Variants in SNRPN observed in about 807,000 individuals in gnomAD.
SNRPN encodes small nuclear ribonucleoprotein-associated protein N.
In SNRPN, 7 loss-of-function variants were observed where a neutral mutation model predicts 25.2. That is an observed-to-expected ratio of 0.28 (90% CI 0.16 to 0.52). The LOEUF (loss-of-function observed/expected upper bound fraction) is 0.52. Ranked by LOEUF, SNRPN falls within the 20% of genes least tolerant of loss-of-function variation. SNRPN has a pLI of 0.96. For synonymous variants in SNRPN, 124 were observed against 110.6 expected, an observed-to-expected ratio of 1.12 and a Z score of -0.76; for missense variants, 196 against 322.5, an observed-to-expected ratio of 0.61 and a Z score of 3.00.
At chr15:24,920,941 C>G (rs1050426556) in intron 3 of SNRPN, among the ~76,000 whole-genome samples, 1 of 152,114 alleles carries the variant, frequency 6.6e-6, no homozygotes, top group African/African-American at 2.4e-5. Flanking sequence ...CGGAGAGTTA[C>G]CCAGGTGTAG....
At chr15:24,885,376 T>C (rs2057101886) in intron 1 of SNRPN, among the ~76,000 whole-genome samples, 1 of 152,162 alleles carries the variant, frequency 6.6e-6, no homozygotes, top group Admixed American at 6.5e-5. Flanking sequence ...GGTCAAAAGG[T>C]GTTCCTTTAA....
intron 3 of SNRPN, chr15:24,921,353 C>T (rs1243678202): frequency 1.3e-5 from 2 of 152,138 alleles, no homozygotes; most frequent in African/African-American, 2.4e-5. Flanking sequence ...GAGTTACAGT[C>T]CCTCTCAGAA....
chr15:24,963,328 C>T (rs1268141198), intron 2 of SNRPN, among the ~76,000 whole-genome samples: 2 of 152,152 alleles, frequency 1.3e-5, no homozygotes, highest in Non-Finnish European at 2.9e-5. Context: ...TTTGAAAACG[C>T]AGTGTAGGCC....
At chr15:24,919,558 A>G (rs2059918616) in intron 2 of SNRPN, among the ~76,000 whole-genome samples, 1 of 152,182 alleles carries the variant, frequency 6.6e-6, no homozygotes, top group African/African-American at 2.4e-5. Context: ...GCGGAAATTT[A>G]TAACCAAAGA....
At chr15:24,913,365 G>A (rs890539753) in intron 2 of SNRPN, among the ~76,000 whole-genome samples, 1 of 152,154 alleles carries the variant, frequency 6.6e-6, no homozygotes, top group Non-Finnish European at 1.5e-5. Flanking sequence ...TATAAGGGCT[G>A]GGCATAGTGG....
At chr15:24,925,745 AT>A (rs35612975) in intron 3 of SNRPN, among the ~76,000 whole-genome samples, 120,943 of 145,326 alleles carry the variant, frequency 0.83, 50,239 homozygotes, top group East Asian at 0.99. Flanking sequence ...TGCCCAGCTA[AT>A]TTTTTTTTTT....
At chr15:24,918,440 A>ATG (rs1433832949) in intron 2 of SNRPN, among the ~76,000 whole-genome samples, 2 of 127,734 alleles carry the variant, frequency 1.6e-5, no homozygotes, top group East Asian at 2.1e-4. Flanking sequence ...CATAATATAT[A>ATG]TGTGTATATA....
upstream of SNRPN, chr15:24,852,401 C>G (rs2052942941): frequency 6.6e-6 from 1 of 152,162 alleles, no homozygotes; most frequent in Non-Finnish European, 1.5e-5. Flanking sequence ...ATAGGGTCTA[C>G]CTGCCAAATC....
chr15:24,975,915 A>C (rs2077010638), intron 5 of SNRPN, among the ~76,000 whole-genome samples: 2 of 152,130 alleles, frequency 1.3e-5, no homozygotes, highest in South Asian at 4.1e-4. Context: ...CTCTTTGCCT[A>C]TCACTGTTCC....
intron 3 of SNRPN, among the ~76,000 whole-genome samples, chr15:24,948,624 A>G (rs1171579942): frequency 6.6e-6 from 1 of 152,056 alleles, no homozygotes; most frequent in Non-Finnish European, 1.5e-5. Flanking sequence ...AAATCACAGT[A>G]CAGCTAGTAC....
intron 2 of SNRPN, among the ~76,000 whole-genome samples, chr15:24,888,067 C>T (rs2057347796): frequency 6.6e-6 from 1 of 150,642 alleles, no homozygotes; most frequent in Non-Finnish European, 1.5e-5. Flanking sequence ...TTTTAGGTTA[C>T]ATATATTTTA....
At chr15:24,840,965 C>T (rs570671429) in intron 2 of SNRPN, among the ~76,000 whole-genome samples, 189 of 152,262 alleles carry the variant, frequency 1.2e-3, no homozygotes, top group Middle Eastern at 3.4e-3. Context: ...CCTCAGCCTC[C>T]TGAGTAGCTG....
At chr15:24,897,436 A>G (rs1595769357) in intron 2 of SNRPN, among the ~76,000 whole-genome samples, 2 of 152,300 alleles carry the variant, frequency 1.3e-5, no homozygotes, top group Middle Eastern at 6.8e-3. Flanking sequence ...AAATTAAAAA[A>G]TTAGCCGAGT....
intron 2 of SNRPN, among the ~76,000 whole-genome samples, chr15:24,910,661 A>C (rs1454339674): frequency 6.6e-6 from 1 of 151,920 alleles, no homozygotes; most frequent in African/African-American, 2.4e-5. Flanking sequence ...CACCCGGCTA[A>C]TTTTTGTATT....
At chr15:24,974,787 G>A (rs567233711) in intron 4 of SNRPN, 6 of 629,808 alleles carry the variant, frequency 9.5e-6, no homozygotes, top group African/African-American at 1.8e-5. Context: ...TCAGGCTCCT[G>A]ACCTCTGGTG....
At chr15:24,917,910 G>C (rs2059634623) in intron 2 of SNRPN, among the ~76,000 whole-genome samples, 1 of 152,176 alleles carries the variant, frequency 6.6e-6, no homozygotes, top group Non-Finnish European at 1.5e-5. Context: ...TTTAACAAAT[G>C]TGACCTAAAG....
intron 2 of SNRPN, among the ~76,000 whole-genome samples, chr15:24,962,762 G>T (rs1469506317): frequency 6.6e-6 from 1 of 152,048 alleles, no homozygotes; most frequent in Non-Finnish European, 1.5e-5. Context: ...AAAAATAGGT[G>T]AACATTTTAA....
At chr15:24,970,679 G>A (rs527536884) in intron 3 of SNRPN, among the ~76,000 whole-genome samples, 1 of 152,310 alleles carries the variant, frequency 6.6e-6, no homozygotes, top group South Asian at 2.1e-4. Context: ...TTGGGATGCA[G>A]GGTGTAATAT....
intron 1 of SNRPN, among the ~76,000 whole-genome samples, chr15:24,863,327 C>T (rs768574594): frequency 8.6e-5 from 13 of 150,788 alleles, no homozygotes; most frequent in Non-Finnish European, 1.5e-4. Flanking sequence ...AAGGGGGGTT[C>T]CCAGCTGCAC....
Sources: allele counts gnomAD v4.1 joint callset (sites outside exome capture counted in the v4.1 genomes callset), GRCh38; gene constraint gnomAD v4.1.1; transcripts MANE v1.5; gene names NCBI Gene and HGNC (gene_info 2026-07-23, HGNC 2026-07-21).